The following ADCY2 variants were observed in gnomAD, a reference collection of about 807,000 sequenced individuals.
ADCY2 encodes adenylate cyclase type 2.
ADCY2 carries 31 observed loss-of-function variants against 125.2 expected under a neutral mutation model. That is an observed-to-expected ratio of 0.25 (90% confidence interval 0.19 to 0.33). The LOEUF is 0.33. ADCY2 is among the 10% of genes least tolerant of loss of function. The pLI is 1.00. For missense variants in ADCY2, 904 were observed against 1,418.2 expected, an observed-to-expected ratio of 0.64 and a Z score of 5.82; for synonymous variants, 512 against 548.4, an observed-to-expected ratio of 0.93 and a Z score of 0.93.
chr5:7,649,538 C>T (rs1187934069), intron 4 of ADCY2, among the ~76,000 whole-genome samples: 2 of 152,206 alleles, frequency 1.3e-5, no homozygotes, highest in African/African-American at 4.8e-5. Flanking sequence ...CCACAGCATG[C>T]AGTGCTTCAG....
intron 4 of ADCY2, among the ~76,000 whole-genome samples, chr5:7,664,811 G>A (rs527267991): frequency 1.2e-4 from 19 of 152,130 alleles, no homozygotes; most frequent in Admixed American, 2.6e-4. Context: ...TACAACCTGC[G>A]CTCTCTCTGA....
chr5:7,787,839 A>G (rs1744128686), intron 19 of ADCY2, among the ~76,000 whole-genome samples: 1 of 152,134 alleles, frequency 6.6e-6, no homozygotes, highest in African/African-American at 2.4e-5. Flanking sequence ...ATGGCTCTGA[A>G]AACCTGAGCA....
intron 23 of ADCY2, among the ~76,000 whole-genome samples, chr5:7,817,823 CAAAAAAAAAAAAA>C (rs57731885): frequency 0.022 from 1,708 of 78,348 alleles, 47 homozygotes; most frequent in African/African-American, 0.072. Flanking sequence ...ACGCTGTCAC[CAAAAAAAAAAAAA>C]AAAAAAAAAA....
chr5:7,721,411 AT>A (rs1451179861), intron 12 of ADCY2, among the ~76,000 whole-genome samples: 1 of 152,230 alleles, frequency 6.6e-6, no homozygotes, highest in Non-Finnish European at 1.5e-5. Context: ...ATTAGCATCC[AT>A]TTGTCAATTT....
chr5:7,710,536 A>C (rs554650342), intron 10 of ADCY2, among the ~76,000 whole-genome samples: 1 of 152,266 alleles, frequency 6.6e-6, no homozygotes, highest in South Asian at 2.1e-4. Context: ...GAAATGAGTG[A>C]ATAGGAAGAG....
chr5:7,432,499 C>A (rs1421278519), intron 2 of ADCY2, among the ~76,000 whole-genome samples: 1 of 152,154 alleles, frequency 6.6e-6, no homozygotes, highest in Non-Finnish European at 1.5e-5. Flanking sequence ...AAGCATTCAC[C>A]CTGGCTCCTG....
At chr5:7,589,832 A>G (rs2115267) in intron 3 of ADCY2, among the ~76,000 whole-genome samples, 41,838 of 152,016 alleles carry the variant, frequency 0.28, 6,020 homozygotes, top group East Asian at 0.44. Context: ...TCCAGAGGAA[A>G]CACTACTAAA....
intron 14 of ADCY2, among the ~76,000 whole-genome samples, chr5:7,741,848 T>C (rs1167733879): frequency 6.6e-6 from 1 of 151,488 alleles, no homozygotes; most frequent in Non-Finnish European, 1.5e-5. Flanking sequence ...ATCATCGTCA[T>C]CACCATCACC....
chr5:7,773,666 G>C lies in ADCY2; in HGVS notation c.2384+565G>C, dbSNP rs529255004. The stretch of plus-strand genomic sequence containing the variant: ...TTCACTAGAGATTTTCTAAAATACT[G>C]TTATGGGGAAGGGGAACTATCAGTC... On this transcript the variant is annotated intron_variant, in intron 18 of 24. Transcript: ENST00000338316. Among the ~76,000 whole-genome samples the C allele has an allele frequency of 1.3e-3, 198 of 152,298 alleles. 1 individual carries two copies. The highest frequency in any genetic ancestry group is 2.2e-3 in the Non-Finnish European group (151 of 68,026).
chr5:7,823,802 T>G (rs1365334327), intron 24 of ADCY2, among the ~76,000 whole-genome samples: 1 of 152,124 alleles, frequency 6.6e-6, no homozygotes, highest in African/African-American at 2.4e-5. Context: ...CTCCTGGAGA[T>G]CGTAAATCTC....
intron 22 of ADCY2, among the ~76,000 whole-genome samples, chr5:7,810,071 T>TA (rs1025523442): frequency 3.3e-5 from 5 of 152,200 alleles, no homozygotes; most frequent in African/African-American, 1.2e-4. Flanking sequence ...CTAAGCCTCA[T>TA]ACCTGCAGCC....
intron 19 of ADCY2, among the ~76,000 whole-genome samples, chr5:7,788,678 G>C (rs1744158032): frequency 6.6e-6 from 1 of 152,046 alleles, no homozygotes; most frequent in African/African-American, 2.4e-5. Flanking sequence ...ATTCCCATTT[G>C]TGCATGAGAG....
intron 4 of ADCY2, among the ~76,000 whole-genome samples, chr5:7,635,674 A>G (rs1414742613): frequency 1.3e-5 from 2 of 152,312 alleles, no homozygotes; most frequent in East Asian, 3.9e-4. Flanking sequence ...TTCAAGCTAC[A>G]GGACCAGATG....
intron 2 of ADCY2, among the ~76,000 whole-genome samples, chr5:7,461,051 C>G (rs1386978254): frequency 6.6e-6 from 1 of 152,178 alleles, no homozygotes; most frequent in Non-Finnish European, 1.5e-5. Context: ...CAGCAGAGGC[C>G]TGGCTCCTTG....
chr5:7,556,700 C>T (rs1294290804), intron 3 of ADCY2, among the ~76,000 whole-genome samples: 1 of 152,154 alleles, frequency 6.6e-6, no homozygotes, highest in Non-Finnish European at 1.5e-5. Context: ...CAGGCGAGCT[C>T]GCTTTACTGT....
At chr5:7,690,176 AAT>A (rs550129094) in intron 4 of ADCY2, among the ~76,000 whole-genome samples, 207 of 152,326 alleles carry the variant, frequency 1.4e-3, no homozygotes, top group Non-Finnish European at 2.5e-3. Context: ...AATAGCTTAG[AAT>A]TTCTAAAGAG....
rs561359357 is a variant in ADCY2 at position 7,699,081 on chromosome 5, A to ATTTTTTTTTT, written c.1109+732_1109+741dup. 3.7e-3 allele frequency among the ~76,000 whole-genome samples: 139 copies of ATTTTTTTTTT among 37,966 alleles called. 38 individuals carry two copies. Among genetic ancestry groups the ATTTTTTTTTT allele is most frequent in the East Asian group, 0.011 (8 of 726 alleles). The allele number at this position is 37,966 out of a possible 152,430, so 24.9% of individuals were successfully genotyped here. On this transcript the variant is annotated intron_variant, in intron 7 of 24. Coordinates refer to ENST00000338316, the MANE Select transcript of ADCY2 (RefSeq NM_020546.3). ...CCTGAGTCAGGAAACAACAGTAAGC[A>ATTTTTTTTTT]TTTTTTTTTTTTTTTTTTTTTTTTT...
chr5:7,692,946 A>C (rs1200282107), intron 5 of ADCY2, among the ~76,000 whole-genome samples: 1 of 152,166 alleles, frequency 6.6e-6, no homozygotes, highest in Non-Finnish European at 1.5e-5. Flanking sequence ...TCATCTACTT[A>C]ACATGCATCT....
intron 16 of ADCY2, among the ~76,000 whole-genome samples, chr5:7,758,761 G>T (rs1743098451): frequency 6.6e-6 from 1 of 152,070 alleles, no homozygotes; most frequent in Admixed American, 6.5e-5. Flanking sequence ...AATCCTGGAG[G>T]GCGGAAAGGA....
Sources: gnomAD v4.1 joint callset for allele counts (sites outside exome capture counted in the v4.1 genomes callset) on GRCh38, gnomAD v4.1.1 for gene constraint, MANE v1.5 for transcripts, NCBI Gene and HGNC (gene_info 2026-07-23, HGNC 2026-07-21) for gene names.